The following TSPYL2 variants were observed in gnomAD, a reference collection of about 807,000 sequenced individuals.
TSPYL2 encodes the protein TSPY like 2.
In TSPYL2, 9 loss-of-function variants were observed where a neutral mutation model predicts 33.0. The observed-to-expected ratio is 0.27, with a 90% CI of 0.16 to 0.48. The LOEUF is 0.48. Ranked by LOEUF, TSPYL2 falls within the 20% of genes least tolerant of loss-of-function variation. The probability of loss-of-function intolerance (pLI) is 0.99; values close to 1 mark genes in which losing one functional copy is unlikely to be tolerated. For synonymous variants in TSPYL2, 330 were observed against 233.6 expected, an observed-to-expected ratio of 1.41 and a Z score of -3.77; for missense variants, 636 against 586.2, an observed-to-expected ratio of 1.08 and a Z score of -0.88.
chrX:53,082,646 G>A lies in TSPYL2; in HGVS notation c.148G>A (p.Glu50Lys). 8.7e-7 allele frequency: 1 copy of A among 1,155,855 alleles called. No homozygotes were observed. The highest frequency in any genetic ancestry group is 1.1e-6 in the Non-Finnish European group (1 of 870,122). ...ACCCCAGCAGCGCCCGAGGCTCCAG[G>A]AGGAAACGGAGGCGGCACAGGTGCT... ...PPPQQRPRLQ[E>K]ETEAAQVLAD... Residue 50 changes from glutamate to lysine, a missense_variant, in exon 1 of 7, where the codon GAG becomes AAG. Physicochemically the swap from Glu to Lys is moderately conservative, Grantham distance 56. This residue lies in a region of TSPYL2 where 231 missense variants were observed against 201.6 expected (regional missense o/e 1.15). Transcript: ENST00000375442.
In TSPYL2 at chrX:53,082,441, C is replaced by G; in HGVS notation, c.-58C>G. 1.9e-6 allele frequency: 2 copies of G among 1,058,242 alleles called. No homozygotes were observed. The highest frequency in any genetic ancestry group is 3.5e-5 in the East Asian group (1 of 28,487). 87.2% of individuals were successfully genotyped at this position (1,058,242 alleles called of 1,213,427 possible). On this transcript the variant is annotated 5_prime_UTR_variant, in exon 1 of 7. Coordinates refer to ENST00000375442, the MANE Select transcript of TSPYL2 (RefSeq NM_022117.4). ...TTACCGGTGCGACTAGCGGCAGCGA[C>G]GCGGCTAAAAGCGAAGGGGCGAGTG...
chrX:53,085,620 C>T lies in TSPYL2; in HGVS notation c.1239-11C>T, dbSNP rs781811928. 36 of 1,208,959 alleles carry T rather than the reference C, an allele frequency of 3.0e-5. No homozygotes were observed. The highest frequency in any genetic ancestry group is 4.0e-5 in the Non-Finnish European group (36 of 894,348). ...CACCAACCCTATACTCAGCCACAGC[C>T]TTCCTTACAGTAAAACCAGGGGCAG... On this transcript the variant is annotated splice_polypyrimidine_tract_variant and intron_variant, in intron 5 of 6. Transcript: ENST00000375442.
intron 1 of TSPYL2, 45 bp from the exon 2 acceptor site, chrX:53,084,500 T>C (rs1556807835): frequency 1.0e-5 from 11 of 1,083,682 alleles, no homozygotes; most frequent in East Asian, 6.2e-5. Context: ...CTCCCTCCCT[T>C]TCACGGAATA....
In TSPYL2 at chrX:53,082,462, G is replaced by A. The variant is rs1556807086; in HGVS notation, c.-37G>A. On this transcript the variant is annotated 5_prime_UTR_variant, in exon 1 of 7. Transcript: ENST00000375442. ...GCGACGCGGCTAAAAGCGAAGGGGCGAGTGCGAGTCCCCTGAGCTGTACGA... is the reference window on the plus strand; with the variant it reads ...GCGACGCGGCTAAAAGCGAAGGGGCAAGTGCGAGTCCCCTGAGCTGTACGA... 2 of 1,108,238 alleles carry A rather than the reference G, an allele frequency of 1.8e-6. No homozygotes were observed. The highest frequency in any genetic ancestry group is 4.2e-5 in the South Asian group (2 of 47,210). The allele number at this position is 1,108,238 out of a possible 1,213,427, so 91.3% of individuals were successfully genotyped here. A position where few individuals can be genotyped will look rare whatever the true frequency, so the allele number is the denominator to read the frequency against.
chrX:53,086,331 C>G, intron 6 of TSPYL2, 21 bp downstream of exon 6: 2 of 1,115,921 alleles, frequency 1.8e-6, no homozygotes, highest in Non-Finnish European at 2.4e-6. Flanking sequence ...CCCCCCCCAC[C>G]CTTGTCTTCC....
chrX:53,085,606 T>TA, intron 5 of TSPYL2, 25 bp from the exon 6 acceptor site: 7 of 1,206,511 alleles, frequency 5.8e-6, no homozygotes, highest in Non-Finnish European at 7.9e-6. Context: ...ACCAACCCTA[T>TA]ACTCAGCCAC....
Position 53,082,388 on chromosome X carries a change from C to A in TSPYL2, c.-111C>A. On this transcript the variant is annotated 5_prime_UTR_variant, in exon 1 of 7. In the 5' UTR this introduces an upstream ATG that the reference lacks. Transcript: ENST00000375442. Reference sequence around the variant, plus strand: ...CGCCAGAGCGAGGTGGTGAGGAGAGCTGGTTGCGTGAGTCTCCTCAGCTCT... The same window carrying A: ...CGCCAGAGCGAGGTGGTGAGGAGAGATGGTTGCGTGAGTCTCCTCAGCTCT... The A allele has an allele frequency of 4.1e-6, 3 of 730,363 alleles. No individual in the cohort carries two copies. Among genetic ancestry groups the A allele is most frequent in the East Asian group, 4.0e-5 (1 of 25,080 alleles). 60.2% of individuals were successfully genotyped at this position (730,363 alleles called of 1,213,427 possible). A position where few individuals can be genotyped will look rare whatever the true frequency, so the allele number is the denominator to read the frequency against.
At position 53,082,410 on chromosome X, in the gene TSPYL2, C is replaced by T. The variant is rs1602101322; in HGVS notation, c.-89C>T. On this transcript the variant is annotated 5_prime_UTR_variant, in exon 1 of 7. Transcript: ENST00000375442. ...GAGCTGGTTGCGTGAGTCTCCTCAG[C>T]TCTGCTTACCGGTGCGACTAGCGGC... 1.1e-5 allele frequency: 10 copies of T among 939,326 alleles called. No individual in the cohort carries two copies. Among genetic ancestry groups the T allele is most frequent in the Non-Finnish European group, 1.4e-5 (10 of 707,879 alleles). 77.4% of individuals were successfully genotyped at this position (939,326 alleles called of 1,213,427 possible). A position where few individuals can be genotyped will look rare whatever the true frequency, so the allele number is the denominator to read the frequency against.
rs149181828 is a variant in TSPYL2, at chrX:53,085,614, C to T, written c.1239-17C>T. ...ACCTCCCACCAACCCTATACTCAGC[C>T]ACAGCCTTCCTTACAGTAAAACCAG... On this transcript the variant is annotated splice_polypyrimidine_tract_variant and intron_variant, in intron 5 of 6. Coordinates refer to ENST00000375442, the MANE Select transcript of TSPYL2 (RefSeq NM_022117.4). 5 of 1,208,071 alleles carry T rather than the reference C, an allele frequency of 4.1e-6. No homozygotes were observed. The highest frequency in any genetic ancestry group is 5.6e-6 in the Non-Finnish European group (5 of 893,604).
intron 6 of TSPYL2, chrX:53,086,684 T>A: frequency 4.3e-6 from 1 of 234,869 alleles, no homozygotes; most frequent in South Asian, 6.0e-5. Context: ...TTTCCAGGCT[T>A]GTGTTGGGAG....
Position 53,086,294 on chromosome X carries a change from A to AGAGG in TSPYL2, c.1904_1907dup (p.Ile637GlyfsTer3). The AGAGG allele has an allele frequency of 8.3e-7, 1 of 1,208,467 alleles. No homozygotes were observed. The highest frequency in any genetic ancestry group is 1.1e-6 in the Non-Finnish European group (1 of 894,359). ...TCATCTCAGACGAATCAGTGGAAGA[A>AGAGG]GAGGGCATTGAGGAAGGTGAGCTAA... is the stretch of plus-strand genomic sequence containing the variant. On this transcript the variant is annotated frameshift_variant, in exon 6 of 7. Coordinates refer to ENST00000375442, the MANE Select transcript of TSPYL2 (RefSeq NM_022117.4). LOFTEE classifies it low-confidence loss of function (END_TRUNC).
rs188731133 is a variant in TSPYL2, at chrX:53,085,207, C to G, written c.1144-20C>G. 1 of 1,193,386 alleles carries G rather than the reference C, an allele frequency of 8.4e-7. No homozygotes were observed. Among genetic ancestry groups the G allele is most frequent in the East Asian group, 3.0e-5 (1 of 33,759 alleles). On this transcript the variant is annotated intron_variant, in intron 4 of 6. Transcript: ENST00000375442. ...GCTTGTACTAATGGCTGTCTTATTC[C>G]TTCTCCCCTTTTTCAACAGATTATC...
intron 5 of TSPYL2, 36 bp from the exon 6 acceptor site, chrX:53,085,595 C>T (rs1556808285): frequency 1.7e-6 from 2 of 1,193,914 alleles, no homozygotes; most frequent in African/African-American, 3.5e-5. Flanking sequence ...CACCACCTCC[C>T]ACCAACCCTA....
chrX:53,085,206 C>A, intron 4 of TSPYL2, 21 bp from the exon 5 acceptor site: 1 of 1,191,391 alleles, frequency 8.4e-7, no homozygotes, highest in South Asian at 1.8e-5. Context: ...CTGTCTTATT[C>A]CTTCTCCCCT....
At position 53,084,979 on chromosome X, in the gene TSPYL2, A is replaced by G. The variant is rs782045296; in HGVS notation, c.1023A>G (p.Pro341=). ...GCCGGCTGGTGTCTCACTCAACCCC[A>G]ATCCGCTGGCACCGGGGCCAGGAAC... ...RSGRLVSHST[P]IRWHRGQEPQ... The change falls in exon 4 of 7, where the codon CCA becomes CCG. Residue 341 remains proline (P), a synonymous_variant. Transcript: ENST00000375442. 4 of 1,210,663 alleles carry G rather than the reference A, an allele frequency of 3.3e-6. No homozygotes were observed. The highest frequency in any genetic ancestry group is 4.5e-6 in the Non-Finnish European group (4 of 895,031).
chrX:53,088,057 G>A lies in TSPYL2; in HGVS notation c.*118G>A, dbSNP rs978169251. 6.1e-6 allele frequency: 4 copies of A among 650,611 alleles called. No individual in the cohort carries two copies. The highest frequency in any genetic ancestry group is 4.4e-5 in the African/African-American group (2 of 44,981). 53.6% of individuals were successfully genotyped at this position (650,611 alleles called of 1,213,427 possible). ...GCACTTCTGGGGGGTGACCGACTTC[G>A]TACACGGGTTTAAAGTTTATTTTTA... On this transcript the variant is annotated 3_prime_UTR_variant, in exon 7 of 7. Coordinates refer to ENST00000375442, the MANE Select transcript of TSPYL2 (RefSeq NM_022117.4).
intron 1 of TSPYL2, among the ~76,000 whole-genome samples, chrX:53,084,070 A>G (rs1350435909): frequency 1.8e-5 from 2 of 111,874 alleles, no homozygotes; most frequent in Admixed American, 1.9e-4. Flanking sequence ...TATCATTTAG[A>G]CATAGGACCT....
At position 53,086,221 on chromosome X, in the gene TSPYL2, T is replaced by C. The variant is rs1556808640; in HGVS notation, c.1829T>C (p.Ile610Thr). Residue 610 changes from isoleucine (I) to threonine (T), a missense_variant, in exon 6 of 7, where the codon ATT becomes ACT. Ile to Thr is a moderately conservative substitution (Grantham distance 89). Transcript: ENST00000375442. Reference sequence around the variant, plus strand: ...GACATTGAGTACTATGAGAAAGTTATTGAAGACTTTGACAAGGATCAGGCT... The same window carrying C: ...GACATTGAGTACTATGAGAAAGTTACTGAAGACTTTGACAAGGATCAGGCT... ...DRDIEYYEKV[I>T]EDFDKDQADY... 16 of 1,209,618 alleles carry C rather than the reference T, an allele frequency of 1.3e-5. No individual in the cohort carries two copies. Among genetic ancestry groups the C allele is most frequent in the African/African-American group, 1.8e-5 (1 of 56,961 alleles).
intron 2 of TSPYL2, 61 bp downstream of exon 2, chrX:53,084,683 G>A (rs782655697): frequency 7.6e-6 from 9 of 1,185,443 alleles, no homozygotes; most frequent in African/African-American, 5.3e-5. Context: ...TGGAGGTGAC[G>A]GGAGGTGGGT....
Sources: allele counts gnomAD v4.1 joint callset (sites outside exome capture counted in the v4.1 genomes callset), GRCh38; gene constraint gnomAD v4.1.1; regional missense constraint gnomAD v4.1.1; transcripts MANE v1.5; gene names NCBI Gene and HGNC (gene_info 2026-07-23, HGNC 2026-07-21).